FHIT: variants seen among roughly 807,000 people sequenced by gnomAD.
FHIT encodes bis(5'-adenosyl)-triphosphatase.
A neutral mutation model predicts 17.9 loss-of-function variants in FHIT; 19 were observed. The ratio of observed to expected loss-of-function variants is 1.06; its 90% CI spans 0.74 to 1.56. The LOEUF is 1.56. FHIT is among the 40% of genes most tolerant of loss of function. FHIT has a pLI of 0.00. For synonymous variants in FHIT, 81 were observed against 69.7 expected (o/e 1.16, Z -0.81); for missense variants, 248 against 189.2 (o/e 1.31, Z -1.82).
chr3:60,947,542 T>G (rs1553776008), intron 3 of FHIT, among the ~76,000 whole-genome samples: 1 of 152,220 alleles, frequency 6.6e-6, no homozygotes, highest in Non-Finnish European at 1.5e-5. Flanking sequence ...TTCTTTGGTA[T>G]CCCAAATGAA....
At chr3:61,060,815 A>G (rs755784622) in intron 2 of FHIT, among the ~76,000 whole-genome samples, 98 of 152,340 alleles carry the variant, frequency 6.4e-4, no homozygotes, top group Middle Eastern at 6.8e-3. Flanking sequence ...CTGTTCTTAC[A>G]GCCTGGCTGG....
chr3:60,248,889 TATC>T (rs913454290), intron 5 of FHIT, among the ~76,000 whole-genome samples: 5 of 152,162 alleles, frequency 3.3e-5, no homozygotes, highest in Non-Finnish European at 7.3e-5. Flanking sequence ...GTCACATTTT[TATC>T]ATCAAGGATG....
chr3:60,109,989 G>A (rs779045939), intron 5 of FHIT, among the ~76,000 whole-genome samples: 6 of 152,102 alleles, frequency 3.9e-5, no homozygotes, highest in African/African-American at 7.2e-5. Flanking sequence ...GAAGGTAAAG[G>A]AGTTTTCTTT....
At chr3:59,759,331 G>A (rs1186087505) in intron 8 of FHIT, among the ~76,000 whole-genome samples, 3 of 152,096 alleles carry the variant, frequency 2.0e-5, no homozygotes, top group South Asian at 2.1e-4. Context: ...AGAATGTCCT[G>A]GAAGGATAAT....
At chr3:60,856,978 T>G (rs1259228383) in intron 3 of FHIT, among the ~76,000 whole-genome samples, 3 of 152,160 alleles carry the variant, frequency 2.0e-5, no homozygotes, top group African/African-American at 7.2e-5. Context: ...CTTCCCAATG[T>G]GATATACTTG....
At chr3:59,807,016 T>A (rs1700230609) in intron 8 of FHIT, among the ~76,000 whole-genome samples, 1 of 152,138 alleles carries the variant, frequency 6.6e-6, no homozygotes, top group African/African-American at 2.4e-5. Flanking sequence ...AACACCAGAA[T>A]AGAAATCTTC....
chr3:60,340,807 A>C (rs1179754956), intron 5 of FHIT, among the ~76,000 whole-genome samples: 1 of 152,058 alleles, frequency 6.6e-6, no homozygotes, highest in East Asian at 1.9e-4. Context: ...TCCCAGGTTC[A>C]AGTGATTCTC....
chr3:61,245,859 C>T (rs1283599772), intron 1 of FHIT, among the ~76,000 whole-genome samples: 1 of 152,166 alleles, frequency 6.6e-6, no homozygotes, highest in African/African-American at 2.4e-5. Context: ...GCAACTCCAT[C>T]TTCAATAGGG....
At chr3:60,824,738 C>A (rs1461712874) in intron 3 of FHIT, among the ~76,000 whole-genome samples, 1 of 152,098 alleles carries the variant, frequency 6.6e-6, no homozygotes, top group Non-Finnish European at 1.5e-5. Flanking sequence ...GTGAATAAGT[C>A]TCGAGAGATC....
At chr3:61,149,162 T>G (rs949458830) in intron 2 of FHIT, among the ~76,000 whole-genome samples, 36 of 152,126 alleles carry the variant, frequency 2.4e-4, no homozygotes, top group African/African-American at 8.4e-4. Context: ...ACAGAAAACA[T>G]TCAGAGAAGT....
At chr3:59,960,588 T>C (rs1707624736) in intron 7 of FHIT, among the ~76,000 whole-genome samples, 1 of 152,120 alleles carries the variant, frequency 6.6e-6, no homozygotes, top group Non-Finnish European at 1.5e-5. Flanking sequence ...GTTTTATAGC[T>C]AGAAATGGTT....
intron 2 of FHIT, among the ~76,000 whole-genome samples, chr3:61,151,957 A>C (rs1346178114): frequency 1.3e-5 from 2 of 152,216 alleles, no homozygotes; most frequent in Non-Finnish European, 2.9e-5. Context: ...TTATGTCTTC[A>C]AGTAGAGTTG....
At chr3:60,714,918 G>T (rs1311574770) in intron 4 of FHIT, among the ~76,000 whole-genome samples, 2 of 152,104 alleles carry the variant, frequency 1.3e-5, no homozygotes, top group African/African-American at 4.8e-5. Context: ...TTTCTTCACG[G>T]AATTGGAAAA....
At position 60,862,998 on chromosome 3, in the gene FHIT, C is replaced by A. The variant is rs540579467; in HGVS notation, c.-110-40987G>T. 9.9e-5 allele frequency among the ~76,000 whole-genome samples: 15 copies of A among 152,192 alleles called. 1 individual carries two copies. The South Asian group carries it at 3.1e-3, about 32-fold the overall frequency. ...GGTTATCTTGAATTATCTGGGTATG[C>A]CTACCCTAGTCACATGAGGTTGTAA... On this transcript the variant is annotated intron_variant, in intron 3 of 9. Transcript: ENST00000492590.
chr3:61,019,913 C>T (rs757110787), intron 3 of FHIT, among the ~76,000 whole-genome samples: 3 of 151,934 alleles, frequency 2.0e-5, no homozygotes, highest in Admixed American at 6.6e-5. Context: ...ATGTGTAGAA[C>T]GTGCGGGTTT....
chr3:61,106,693 G>A (rs972362987), intron 2 of FHIT, among the ~76,000 whole-genome samples: 7 of 151,936 alleles, frequency 4.6e-5, no homozygotes, highest in Admixed American at 1.3e-4. Context: ...ATGGAGTCTC[G>A]CTCTGTCGCC....
At chr3:60,711,565 C>T (rs1553705138) in intron 4 of FHIT, among the ~76,000 whole-genome samples, 2 of 152,106 alleles carry the variant, frequency 1.3e-5, no homozygotes, top group African/African-American at 4.8e-5. Context: ...ATAACCAATA[C>T]AGAGAAGTGC....
chr3:60,382,521 A>G (rs748725037), intron 5 of FHIT, among the ~76,000 whole-genome samples: 10 of 152,178 alleles, frequency 6.6e-5, no homozygotes, highest in East Asian at 1.9e-4. Flanking sequence ...ATGAATTGGT[A>G]ATACAAGTAA....
chr3:60,367,313 A>G (rs933327089), intron 5 of FHIT, among the ~76,000 whole-genome samples: 4 of 152,190 alleles, frequency 2.6e-5, no homozygotes, highest in Non-Finnish European at 4.4e-5. Flanking sequence ...AGGCCCTGGG[A>G]CCAAATAGCT....
Sources: allele counts gnomAD v4.1 joint callset (sites outside exome capture counted in the v4.1 genomes callset), GRCh38; gene constraint gnomAD v4.1.1; transcripts MANE v1.5; gene names NCBI Gene and HGNC (gene_info 2026-07-23, HGNC 2026-07-21).